PRKG2: variants seen among roughly 807,000 people sequenced by gnomAD.
The protein encoded by PRKG2 is cGMP-dependent protein kinase 2.
A neutral mutation model predicts 97.2 loss-of-function variants in PRKG2; 33 were observed. The ratio of observed to expected loss-of-function variants is 0.34; its 90% CI spans 0.26 to 0.45. The LOEUF is 0.45. PRKG2 is among the 20% of genes least tolerant of loss of function. The probability of loss-of-function intolerance (pLI) is 1.00; values close to 1 mark genes in which losing one functional copy is unlikely to be tolerated. For synonymous variants in PRKG2, 330 were observed against 321.8 expected (o/e 1.03, Z -0.27); for missense variants, 638 against 900.0 (o/e 0.71, Z 3.73).
At chr4:81,147,947 G>A (rs1311890717) in intron 9 of PRKG2, among the ~76,000 whole-genome samples, 1 of 152,064 alleles carries the variant, frequency 6.6e-6, no homozygotes, top group Non-Finnish European at 1.5e-5. Context: ...AAGTGGTAAA[G>A]GGGTATAGAT....
chr4:81,134,620 G>A (rs1578398447), intron 14 of PRKG2, among the ~76,000 whole-genome samples: 1 of 152,130 alleles, frequency 6.6e-6, no homozygotes, highest in Non-Finnish European at 1.5e-5. Context: ...GGGACCAGCA[G>A]ATTACAAAGA....
rs537296321 is a variant in PRKG2, at chr4:81,198,992, T to C, written c.461+5595A>G. Among the ~76,000 whole-genome samples, 5 of 152,346 alleles carry C rather than the reference T, an allele frequency of 3.3e-5. No homozygotes were observed. The South Asian group carries it at 1.0e-3, about 32-fold the overall frequency. On this transcript the variant is annotated intron_variant, in intron 2 of 18. Transcript: ENST00000264399. ...CCACAAAACTGGATTATTTTTCTTC[T>C]TCCATGCCTTATCCTATATAGACAG...
Position 81,140,396 on chromosome 4 carries a change from C to T in PRKG2, c.1544+137G>A, listed in dbSNP as rs912067079. On this transcript the variant is annotated intron_variant, in intron 12 of 18. Coordinates refer to ENST00000264399, the MANE Select transcript of PRKG2 (RefSeq NM_006259.3). ...TATGCATTGCATGCCTGTATCAAAA[C>T]ATTTCATGTACCCCATAAATATATA... 2.3e-5 allele frequency: 16 copies of T among 707,216 alleles called. No individual in the cohort carries two copies. In the East Asian group the frequency reaches 2.5e-4, roughly 11 times the overall value. The allele number at this position is 707,216 out of a possible 1,614,324, so 43.8% of individuals were successfully genotyped here.
At chr4:81,098,263 C>T (rs982085045) in intron 17 of PRKG2, among the ~76,000 whole-genome samples, 4 of 152,138 alleles carry the variant, frequency 2.6e-5, no homozygotes, top group African/African-American at 9.7e-5. Flanking sequence ...TTTTGGAACT[C>T]AGACTGCTCT....
intron 14 of PRKG2, among the ~76,000 whole-genome samples, chr4:81,122,472 C>G (rs1745153279): frequency 6.6e-6 from 1 of 152,124 alleles, no homozygotes; most frequent in Non-Finnish European, 1.5e-5. Flanking sequence ...CAATCTCAAT[C>G]ATGACTAAGG....
intron 6 of PRKG2, among the ~76,000 whole-genome samples, chr4:81,163,692 A>C (rs1352552987): frequency 2.6e-5 from 4 of 152,126 alleles, no homozygotes; most frequent in African/African-American, 9.7e-5. Context: ...TAAAACCAGA[A>C]GGAAATTCCA....
At chr4:81,162,041 G>T (rs989497033) in intron 6 of PRKG2, among the ~76,000 whole-genome samples, 2 of 152,072 alleles carry the variant, frequency 1.3e-5, no homozygotes, top group Admixed American at 6.6e-5. Context: ...ACAATTAATT[G>T]TTGCCATGCT....
chr4:81,099,355 T>C (rs1263062576), intron 17 of PRKG2, among the ~76,000 whole-genome samples: 1 of 152,102 alleles, frequency 6.6e-6, no homozygotes, highest in East Asian at 1.9e-4. Flanking sequence ...ATCAAAAAGC[T>C]TATCCACCAT....
At position 81,165,264 on chromosome 4, in the gene PRKG2, G is replaced by A. The variant is rs956520045; in HGVS notation, c.912+1897C>T. 4.6e-5 allele frequency among the ~76,000 whole-genome samples: 7 copies of A among 152,230 alleles called. No homozygotes were observed. The East Asian group carries it at 5.8e-4, about 13-fold the overall frequency. ...GGCCATTTGTTCTAGGAGTTCAACCGTCTAAGTTTCAACAAATACATCAGA... is the reference window on the plus strand; with the variant it reads ...GGCCATTTGTTCTAGGAGTTCAACCATCTAAGTTTCAACAAATACATCAGA... On this transcript the variant is annotated intron_variant, in intron 6 of 18. Coordinates refer to ENST00000264399, the MANE Select transcript of PRKG2 (RefSeq NM_006259.3).
chr4:81,111,639 C>T (rs1044449084), intron 14 of PRKG2, among the ~76,000 whole-genome samples: 3 of 151,992 alleles, frequency 2.0e-5, no homozygotes, highest in South Asian at 2.1e-4. Context: ...TACCGTCCTC[C>T]GTTTTCGCAA....
chr4:81,108,742 T>A (rs1038932667), intron 15 of PRKG2, among the ~76,000 whole-genome samples: 1 of 151,922 alleles, frequency 6.6e-6, no homozygotes, highest in African/African-American at 2.4e-5. Flanking sequence ...AAAAAAATTT[T>A]AAAAATTAGC....
intron 9 of PRKG2, among the ~76,000 whole-genome samples, chr4:81,144,949 A>G (rs1360835494): frequency 6.6e-6 from 1 of 151,832 alleles, no homozygotes; most frequent in Non-Finnish European, 1.5e-5. Context: ...ATCATTTTTT[A>G]TGGCTGCACA....
At chr4:81,193,353 A>T (rs1318346877) in intron 2 of PRKG2, 2 of 152,146 alleles carry the variant, frequency 1.3e-5, no homozygotes, top group Non-Finnish European at 1.5e-5. Flanking sequence ...TGAACCCCTA[A>T]GTTTCCTCAG....
At chr4:81,179,524 G>T (rs1288759282) in intron 2 of PRKG2, among the ~76,000 whole-genome samples, 1 of 152,160 alleles carries the variant, frequency 6.6e-6, no homozygotes, top group African/African-American at 2.4e-5. Flanking sequence ...GCTCCAGACA[G>T]AAGAAATATG....
chr4:81,207,998 G>C (rs760852429), intron 1 of PRKG2, among the ~76,000 whole-genome samples: 6 of 152,158 alleles, frequency 3.9e-5, no homozygotes, highest in Non-Finnish European at 7.3e-5. Context: ...CATCAGTCTG[G>C]CAACTGCAGG....
At chr4:81,185,251 G>C (rs967492316) in intron 2 of PRKG2, among the ~76,000 whole-genome samples, 2 of 152,162 alleles carry the variant, frequency 1.3e-5, no homozygotes, top group Non-Finnish European at 2.9e-5. Context: ...CTCACAAAGA[G>C]AAGCCCATCA....
intron 2 of PRKG2, 22 bp downstream of exon 2, chr4:81,204,565 A>G (rs766580782): frequency 1.3e-6 from 2 of 1,595,082 alleles, no homozygotes; most frequent in East Asian, 2.2e-5. Context: ...ATCTGAGTTT[A>G]AAGGATGCGG....
At chr4:81,145,767 G>A (rs765182065) in intron 9 of PRKG2, among the ~76,000 whole-genome samples, 21 of 152,070 alleles carry the variant, frequency 1.4e-4, no homozygotes, top group Non-Finnish European at 3.1e-4. Flanking sequence ...CTTCTTAAAA[G>A]TAAAGACCAT....
chr4:81,199,046 G>C (rs1753134843), intron 2 of PRKG2, among the ~76,000 whole-genome samples: 1 of 151,914 alleles, frequency 6.6e-6, no homozygotes, highest in Admixed American at 6.6e-5. Context: ...TAAAGACCCG[G>C]GTTAAGACAA....
Sources: allele counts gnomAD v4.1 joint callset (sites outside exome capture counted in the v4.1 genomes callset), GRCh38; gene constraint gnomAD v4.1.1; transcripts MANE v1.5; gene names NCBI Gene and HGNC (gene_info 2026-07-23, HGNC 2026-07-21).